PPARGC1A: variants seen among roughly 807,000 people sequenced by gnomAD.
The protein encoded by PPARGC1A is PPARG coactivator 1 alpha.
Under a neutral mutation model 88.7 loss-of-function variants are expected in PPARGC1A, and 25 were observed. The ratio of observed to expected loss-of-function variants is 0.28; its 90% CI spans 0.21 to 0.39. The LOEUF is 0.39. Among genes scored for constraint, PPARGC1A ranks in the 10% least tolerant of loss-of-function variants. The probability of loss-of-function intolerance (pLI) is 1.00; values close to 1 mark genes in which losing one functional copy is unlikely to be tolerated. For missense variants in PPARGC1A, 880 were observed against 968.7 expected, an observed-to-expected ratio of 0.91 and a Z score of 1.22; for synonymous variants, 363 against 355.6, an observed-to-expected ratio of 1.02 and a Z score of -0.24.
the PPARGC1A span, among the ~76,000 whole-genome samples, chr4:24,324,348 C>A: frequency 1.3e-5 from 2 of 152,124 alleles, no homozygotes; most frequent in Non-Finnish European, 2.9e-5. Context: ...TATTTCCGCA[C>A]CACAACCTCT....
At chr4:23,993,026 A>C in the PPARGC1A span, among the ~76,000 whole-genome samples, 1 of 152,154 alleles carries the variant, frequency 6.6e-6, no homozygotes, top group Non-Finnish European at 1.5e-5. Context: ...CTAATACTAG[A>C]ATCTAAAGGA....
the PPARGC1A span, among the ~76,000 whole-genome samples, chr4:24,093,048 G>A: frequency 6.6e-6 from 1 of 152,202 alleles, no homozygotes; most frequent in Non-Finnish European, 1.5e-5. Flanking sequence ...GGACCTAGGT[G>A]TCCGATGCTG....
intron 2 of PPARGC1A, among the ~76,000 whole-genome samples, chr4:23,860,519 A>G (rs6448228): frequency 0.4 from 60,719 of 151,962 alleles, 12,160 homozygotes; most frequent in Middle Eastern, 0.48. Flanking sequence ...TTGCTTGGCT[A>G]CGGTAATCAT....
chr4:23,987,876 G>C, the PPARGC1A span, among the ~76,000 whole-genome samples: 4 of 151,920 alleles, frequency 2.6e-5, no homozygotes, highest in African/African-American at 9.7e-5. Flanking sequence ...TGCCACGGTG[G>C]TTTGCTGCAC....
the PPARGC1A span, among the ~76,000 whole-genome samples, chr4:24,117,561 T>C: frequency 6.6e-6 from 1 of 150,940 alleles, no homozygotes; most frequent in Non-Finnish European, 1.5e-5. Context: ...CACATACATC[T>C]AGTAGGCAAA....
At chr4:24,441,592 C>T in the PPARGC1A span, among the ~76,000 whole-genome samples, 1 of 152,134 alleles carries the variant, frequency 6.6e-6, no homozygotes, top group Non-Finnish European at 1.5e-5. Flanking sequence ...TGTTGCTGCC[C>T]CAGCCCAAGG....
At position 23,828,599 on chromosome 4, in the gene PPARGC1A, C is replaced by A. The variant is rs1466119521; in HGVS notation, c.558G>T (p.Glu186Asp). 11 of 1,613,790 alleles carry A rather than the reference C, an allele frequency of 6.8e-6. No individual in the cohort carries two copies. Among genetic ancestry groups the A allele is most frequent in the Non-Finnish European group, 9.3e-6 (11 of 1,179,910 alleles). The change falls in exon 5 of 13, where the codon GAG becomes GAT. Residue 186 changes from glutamate (E) to aspartate (D), a missense_variant. By Grantham distance (45) the Glu-to-Asp change is conservative. Coordinates refer to ENST00000264867, the MANE Select transcript of PPARGC1A (RefSeq NM_013261.5). ...TCTTCGCTTTATTGCTCCATGAATTCTCAGTCTTAAAAACAAGGCATAAAG... is the reference window on the plus strand; with the variant it reads ...TCTTCGCTTTATTGCTCCATGAATTATCAGTCTTAAAAACAAGGCATAAAG... ...IRTNPAIVKT[E>D]NSWSNKAKSI...
chr4:23,846,091 T>C (rs1040636918), intron 2 of PPARGC1A, among the ~76,000 whole-genome samples: 1 of 152,184 alleles, frequency 6.6e-6, no homozygotes, highest in African/African-American at 2.4e-5. Flanking sequence ...AAAAAGCACG[T>C]GTCCCTGTAA....
chr4:24,445,685 T>C, the PPARGC1A span, among the ~76,000 whole-genome samples: 9 of 152,270 alleles, frequency 5.9e-5, no homozygotes, highest in Non-Finnish European at 8.8e-5. Context: ...AATCCCACCA[T>C]TATACATTTC....
chr4:24,431,139 A>C, the PPARGC1A span, among the ~76,000 whole-genome samples: 1 of 151,194 alleles, frequency 6.6e-6, no homozygotes, highest in Non-Finnish European at 1.5e-5. Flanking sequence ...AAAAAAAAAA[A>C]AAAGAGAAAA....
the PPARGC1A span, among the ~76,000 whole-genome samples, chr4:24,273,198 G>A: frequency 1.3e-5 from 2 of 152,170 alleles, no homozygotes; most frequent in Admixed American, 1.3e-4. Context: ...GGAGAGCTTG[G>A]GGAGCTGCTT....
chr4:24,423,706 T>C, the PPARGC1A span, among the ~76,000 whole-genome samples: 4 of 152,234 alleles, frequency 2.6e-5, no homozygotes, highest in Non-Finnish European at 4.4e-5. Flanking sequence ...TATTTGCACA[T>C]TAGTATGAAT....
At chr4:24,106,097 T>C in the PPARGC1A span, among the ~76,000 whole-genome samples, 1 of 152,256 alleles carries the variant, frequency 6.6e-6, no homozygotes, top group East Asian at 1.9e-4. Flanking sequence ...CTTCCATTCG[T>C]TTCCCCGCCC....
chr4:24,373,379 G>A, the PPARGC1A span, among the ~76,000 whole-genome samples: 1 of 152,156 alleles, frequency 6.6e-6, no homozygotes, highest in African/African-American at 2.4e-5. Context: ...TCAGCACAAA[G>A]CTGTGAGTAA....
At chr4:24,313,835 T>C in the PPARGC1A span, among the ~76,000 whole-genome samples, 1 of 152,186 alleles carries the variant, frequency 6.6e-6, no homozygotes, top group East Asian at 1.9e-4. Context: ...ACAAGATTGC[T>C]CACTGCAAGA....
At chr4:24,452,075 A>C in the PPARGC1A span, among the ~76,000 whole-genome samples, 1 of 150,776 alleles carries the variant, frequency 6.6e-6, no homozygotes, top group African/African-American at 2.5e-5. Context: ...TAGAACAAAG[A>C]CTGACCTCCC....
At chr4:24,217,397 G>A in the PPARGC1A span, among the ~76,000 whole-genome samples, 1 of 152,214 alleles carries the variant, frequency 6.6e-6, no homozygotes, top group Non-Finnish European at 1.5e-5. Flanking sequence ...CTAGAATGTG[G>A]TGAATTGGAG....
chr4:24,067,693 TA>T, the PPARGC1A span, among the ~76,000 whole-genome samples: 2 of 152,162 alleles, frequency 1.3e-5, no homozygotes, highest in Non-Finnish European at 2.9e-5. Flanking sequence ...GTCCTCCAAT[TA>T]AACTGATCAA....
At chr4:24,177,681 G>GT in the PPARGC1A span, among the ~76,000 whole-genome samples, 1 of 144,534 alleles carries the variant, frequency 6.9e-6, no homozygotes, top group African/African-American at 2.5e-5. Context: ...TTTAAAAAAG[G>GT]AAAAAAAAAA....
Sources: gnomAD v4.1 joint callset for allele counts (sites outside exome capture counted in the v4.1 genomes callset) on GRCh38, gnomAD v4.1.1 for gene constraint, MANE v1.5 for transcripts, NCBI Gene and HGNC (gene_info 2026-07-23, HGNC 2026-07-21) for gene names.